Variants in NPSR1 observed in about 807,000 individuals in gnomAD.
NPSR1 encodes the protein neuropeptide S receptor 1, also known as neuropeptide S receptor.
Under a neutral mutation model 46.9 loss-of-function variants are expected in NPSR1, and 48 were observed. The ratio of observed to expected loss-of-function variants is 1.02; its 90% CI spans 0.81 to 1.30. NPSR1 has a LOEUF of 1.30. Ranked by LOEUF, NPSR1 falls within the 50% of genes most tolerant of loss-of-function variation. The pLI, the probability that NPSR1 is intolerant of heterozygous loss-of-function variation, is 0.00. For synonymous variants in NPSR1, 176 were observed against 168.1 expected, an observed-to-expected ratio of 1.05 and a Z score of -0.36; for missense variants, 450 against 449.5, an observed-to-expected ratio of 1.00 and a Z score of -0.01.
At chr7:34,781,537 C>T (rs1045748662) in intron 3 of NPSR1, among the ~76,000 whole-genome samples, 1 of 152,164 alleles carries the variant, frequency 6.6e-6, no homozygotes, top group African/African-American at 2.4e-5. Context: ...ACAGAAAGGA[C>T]CAACATTGTC....
chr7:34,834,324 T>G (rs1399103115), intron 5 of NPSR1, 60 bp from the exon 6 acceptor site: 3 of 1,312,314 alleles, frequency 2.3e-6, no homozygotes, highest in Non-Finnish European at 3.3e-6. Flanking sequence ...TGGTCTTCTC[T>G]GTGTCCTCAC....
intron 3 of NPSR1, among the ~76,000 whole-genome samples, chr7:34,780,835 T>C (rs1237725303): frequency 1.3e-5 from 2 of 152,190 alleles, no homozygotes; most frequent in East Asian, 3.9e-4. Flanking sequence ...GTCTTTATTT[T>C]ACTTAAATCA....
At chr7:34,792,715 TTA>T (rs374455709) in intron 3 of NPSR1, among the ~76,000 whole-genome samples, 22 of 98,844 alleles carry the variant, frequency 2.2e-4, no homozygotes, top group Non-Finnish European at 3.5e-4. Flanking sequence ...ATATATATAT[TTA>T]TATATATATA....
chr7:34,662,536 A>G (rs1791508702), intron 1 of NPSR1, among the ~76,000 whole-genome samples: 1 of 152,106 alleles, frequency 6.6e-6, no homozygotes, highest in Non-Finnish European at 1.5e-5. Flanking sequence ...TATCTCCTGC[A>G]ATTTGTAACG....
chr7:34,786,991 C>A (rs1787494425), intron 3 of NPSR1, among the ~76,000 whole-genome samples: 1 of 152,114 alleles, frequency 6.6e-6, no homozygotes, highest in Non-Finnish European at 1.5e-5. Flanking sequence ...AAGTCACCAC[C>A]TGCATTAGCT....
At chr7:34,674,913 A>G (rs1397118686) in intron 1 of NPSR1, among the ~76,000 whole-genome samples, 3 of 152,208 alleles carry the variant, frequency 2.0e-5, no homozygotes, top group South Asian at 2.1e-4. Context: ...TGGCTCAGAA[A>G]GAAAATGAAG....
intron 2 of NPSR1, among the ~76,000 whole-genome samples, chr7:34,738,595 A>G (rs573460426): frequency 2.0e-4 from 30 of 152,250 alleles, no homozygotes; most frequent in Admixed American, 7.9e-4. Flanking sequence ...TATATCACAA[A>G]TACTTTTTCA....
At chr7:34,748,260 C>T (rs1014843465) in intron 2 of NPSR1, among the ~76,000 whole-genome samples, 5 of 152,176 alleles carry the variant, frequency 3.3e-5, no homozygotes, top group Admixed American at 6.5e-5. Context: ...TCTAAGCATT[C>T]GCATAATATC....
chr7:34,755,166 G>C (rs565561058), intron 2 of NPSR1, among the ~76,000 whole-genome samples: 6 of 152,144 alleles, frequency 3.9e-5, no homozygotes, highest in Non-Finnish European at 5.9e-5. Context: ...GGGTCATATG[G>C]TAACACTGTG....
intron 3 of NPSR1, among the ~76,000 whole-genome samples, chr7:34,794,830 T>A (rs1027552689): frequency 1.3e-5 from 2 of 152,124 alleles, no homozygotes; most frequent in Non-Finnish European, 1.5e-5. Flanking sequence ...AAAATAATTC[T>A]ACACTTGAGA....
chr7:34,789,572 C>T lies in NPSR1; in HGVS notation c.384+11007C>T, dbSNP rs1359535929. 2.0e-5 allele frequency among the ~76,000 whole-genome samples: 3 copies of T among 151,668 alleles called. No individual in the cohort carries two copies. The East Asian group carries it at 5.9e-4, about 30-fold the overall frequency. ...CTTCGGGAGGCTGAGGCAGGCAGAT[C>T]ACCTGAGGTCAGGAGTTTGACACCA... On this transcript the variant is annotated intron_variant, in intron 3 of 8. Transcript: ENST00000360581.
At chr7:34,758,304 T>G (rs1785982933) in intron 2 of NPSR1, 1 of 152,242 alleles carries the variant, frequency 6.6e-6, no homozygotes, top group Admixed American at 6.5e-5. Flanking sequence ...TCATGGTGTT[T>G]CATGGGAACA....
Position 34,658,554 on chromosome 7 carries a change from T to C in NPSR1, c.142T>C (p.Phe48Leu), listed in dbSNP as rs1791296916. The C allele has an allele frequency of 6.2e-7, 1 of 1,613,906 alleles. No homozygotes were observed. The highest frequency in any genetic ancestry group is 1.3e-5 in the African/African-American group (1 of 74,942). ...GKEWGSFYYS[F>L]KTEQLITLWV... ...GGAATGGGGTTCCTTCTACTACTCC[T>C]TTAAGGTAAGTTTCTTGCCTGCGAC... is the stretch of plus-strand genomic sequence containing the variant. The change falls in exon 1 of 9, where the codon TTT becomes CTT. Residue 48 changes from phenylalanine to leucine, a missense_variant. Transcript: ENST00000360581.
At chr7:34,738,765 C>A (rs1176829983) in intron 2 of NPSR1, among the ~76,000 whole-genome samples, 1 of 151,972 alleles carries the variant, frequency 6.6e-6, no homozygotes, top group Non-Finnish European at 1.5e-5. Context: ...TATAACATAT[C>A]ATTCATCAAA....
intron 2 of NPSR1, chr7:34,751,142 G>A: frequency 3.3e-6 from 3 of 908,080 alleles, no homozygotes; most frequent in South Asian, 2.6e-5. Context: ...CACACTGGCT[G>A]AGCAGGGTCC....
At chr7:34,678,958 C>T (rs904170613) in intron 1 of NPSR1, among the ~76,000 whole-genome samples, 1 of 152,140 alleles carries the variant, frequency 6.6e-6, no homozygotes, top group East Asian at 1.9e-4. Flanking sequence ...TTTAAAATCA[C>T]AGATTATTTT....
At chr7:34,813,553 A>T (rs1340124420) in intron 4 of NPSR1, among the ~76,000 whole-genome samples, 1 of 152,226 alleles carries the variant, frequency 6.6e-6, no homozygotes, top group East Asian at 1.9e-4. Flanking sequence ...ATGCTGAGTG[A>T]CAAAAACAAT....
intron 3 of NPSR1, among the ~76,000 whole-genome samples, chr7:34,811,030 G>T (rs959551434): frequency 6.6e-6 from 1 of 152,144 alleles, no homozygotes; most frequent in Admixed American, 6.5e-5. Flanking sequence ...ATTGAACTCC[G>T]GCCCCACAGT....
intron 2 of NPSR1, among the ~76,000 whole-genome samples, chr7:34,738,645 T>C (rs936374375): frequency 1.3e-5 from 2 of 152,354 alleles, no homozygotes; most frequent in East Asian, 3.9e-4. Flanking sequence ...TTGGGGTTTT[T>C]ATTTGTTCCC....
Sources: allele counts gnomAD v4.1 joint callset (sites outside exome capture counted in the v4.1 genomes callset), GRCh38; gene constraint gnomAD v4.1.1; transcripts MANE v1.5; gene names NCBI Gene and HGNC (gene_info 2026-07-23, HGNC 2026-07-21).